The following PTK2 variants were observed in gnomAD, a reference collection of about 807,000 sequenced individuals.
PTK2 encodes protein tyrosine kinase 2.
In PTK2, 45 loss-of-function variants were observed where a neutral mutation model predicts 150.1. The observed-to-expected ratio is 0.30, with a 90% confidence interval of 0.24 to 0.38. The LOEUF is 0.38. PTK2 is among the 10% of genes least tolerant of loss of function. The pLI is 1.00. For missense variants in PTK2, 919 were observed against 1,307.3 expected, an observed-to-expected ratio of 0.70 and a Z score of 4.58; for synonymous variants, 432 against 449.2, an observed-to-expected ratio of 0.96 and a Z score of 0.48.
In PTK2 at chr8:140,815,247, T is replaced by C. The variant is rs113322838; in HGVS notation, c.867+3030A>G. Among the ~76,000 whole-genome samples, 1,451 of 150,160 alleles carry C rather than the reference T, an allele frequency of 9.7e-3. 27 individuals are homozygous for C. The highest frequency in any genetic ancestry group is 0.033 in the African/African-American group (1,352 of 41,042). On this transcript the variant is annotated intron_variant, in intron 10 of 31. Coordinates refer to ENST00000522684, the Ensembl canonical transcript of PTK2. ...CCAAAAAAAAAAAAGAATGAGATCA[T>C]GTTCTTTGCAGGAACATGGATGGAG... is the stretch of plus-strand genomic sequence containing the variant.
intron 5 of PTK2, among the ~76,000 whole-genome samples, chr8:140,848,775 C>G (rs2100127248): frequency 6.6e-6 from 1 of 152,010 alleles, no homozygotes; most frequent in South Asian, 2.1e-4. Flanking sequence ...AGAATTAAAC[C>G]AAGATAGGTA....
At chr8:140,819,156 C>A (rs2100106665) in intron 8 of PTK2, 136 bp from the exon 9 acceptor site, 2 of 840,302 alleles carry the variant, frequency 2.4e-6, no homozygotes, top group Non-Finnish European at 3.5e-6. Context: ...GTATACTTGT[C>A]AAATAACTAT....
At chr8:140,837,162 T>A (rs562968488) in intron 7 of PTK2, among the ~76,000 whole-genome samples, 136 of 152,308 alleles carry the variant, frequency 8.9e-4, no homozygotes, top group African/African-American at 3.1e-3. Context: ...TAAATAAAAG[T>A]CTTGTCTGTT....
At chr8:140,812,411 TGGAAA>T (rs1189324011) in intron 10 of PTK2, among the ~76,000 whole-genome samples, 1 of 152,142 alleles carries the variant, frequency 6.6e-6, no homozygotes, top group Non-Finnish European at 1.5e-5. Context: ...GCACTAAATA[TGGAAA>T]GGAAAGACCG....
At chr8:140,850,123 G>A (rs1227404462) in intron 5 of PTK2, among the ~76,000 whole-genome samples, 1 of 152,124 alleles carries the variant, frequency 6.6e-6, no homozygotes, top group African/African-American at 2.4e-5. Flanking sequence ...CTGAAAGTTG[G>A]TTTTTAAAAA....
chr8:140,758,045 T>G (rs2100066909), intron 16 of PTK2, among the ~76,000 whole-genome samples: 1 of 152,222 alleles, frequency 6.6e-6, no homozygotes, highest in Admixed American at 6.5e-5. Flanking sequence ...TTGTTTTTCT[T>G]TTTTTCTAAT....
chr8:140,878,048 A>T, intron 4 of PTK2, among the ~76,000 whole-genome samples: 1 of 152,184 alleles, frequency 6.6e-6, no homozygotes, highest in Non-Finnish European at 1.5e-5. Context: ...CAAGATGACC[A>T]TCTCAAAAAA....
At chr8:140,807,787 T>G (rs1175047536) in intron 10 of PTK2, among the ~76,000 whole-genome samples, 1 of 152,254 alleles carries the variant, frequency 6.6e-6, no homozygotes, top group Admixed American at 6.5e-5. Context: ...CTTTTTATCT[T>G]TTTAAATGTG....
At chr8:140,705,457 G>T (rs2100033152) in intron 24 of PTK2, among the ~76,000 whole-genome samples, 1 of 152,142 alleles carries the variant, frequency 6.6e-6, no homozygotes, top group Non-Finnish European at 1.5e-5. Flanking sequence ...AAGAATGGTT[G>T]CTCCTGGGGC....
At chr8:140,920,778 C>A in intron 2 of PTK2, 1 of 1,424,382 alleles carries the variant, frequency 7.0e-7, no homozygotes, top group South Asian at 1.5e-5. Flanking sequence ...AGCATGAATT[C>A]AAATAAAACG....
rs113580900 is a variant in PTK2 at position 140,759,847 on chromosome 8, C to CCA, written c.1332+1316_1332+1317dup. On this transcript the variant is annotated intron_variant, in intron 16 of 31. Transcript: ENST00000522684. ...GACAGAGCAAGACTCTCTCTCTCAC[C>CCA]CACACACACACACACACACAAACAA... 7.3e-3 allele frequency among the ~76,000 whole-genome samples: 1,056 copies of CCA among 144,636 alleles called. 12 individuals carry two copies. The highest frequency in any genetic ancestry group is 0.02 in the African/African-American group (795 of 39,632). 94.9% of individuals were successfully genotyped at this position (144,636 alleles called of 152,430 possible). A position where few individuals can be genotyped will look rare whatever the true frequency, so the allele number is the denominator to read the frequency against.
At chr8:140,994,104 G>T (rs972229793) in intron 1 of PTK2, among the ~76,000 whole-genome samples, 2 of 152,176 alleles carry the variant, frequency 1.3e-5, no homozygotes, top group African/African-American at 4.8e-5. Flanking sequence ...ATATCAGTAA[G>T]ATTCGGGTAG....
intron 2 of PTK2, 103 bp from the exon 3 acceptor site, chr8:140,890,872 T>A (rs768834338): frequency 1.0e-6 from 1 of 995,122 alleles, no homozygotes; most frequent in Non-Finnish European, 1.5e-6. Flanking sequence ...TCTCTTGATA[T>A]GTTATATGCG....
intron 1 of PTK2, among the ~76,000 whole-genome samples, chr8:140,939,375 C>T (rs1324179056): frequency 6.6e-6 from 1 of 152,268 alleles, no homozygotes. Flanking sequence ...GATATGTGTA[C>T]TATACAAGTT....
intron 5 of PTK2, among the ~76,000 whole-genome samples, chr8:140,859,611 T>A (rs553991487): frequency 7.9e-5 from 12 of 152,322 alleles, no homozygotes; most frequent in African/African-American, 2.9e-4. Context: ...GAGGCCATTA[T>A]AAAGTGACTA....
chr8:140,712,900 T>C (rs1480183941), intron 23 of PTK2, among the ~76,000 whole-genome samples: 1 of 152,238 alleles, frequency 6.6e-6, no homozygotes, highest in East Asian at 1.9e-4. Context: ...CTTTCTCTTT[T>C]GAGAAAATGT....
At chr8:140,671,859 G>A (rs1198826457) in intron 29 of PTK2, among the ~76,000 whole-genome samples, 1 of 148,912 alleles carries the variant, frequency 6.7e-6, no homozygotes, top group Non-Finnish European at 1.5e-5. Flanking sequence ...GTGAACCCGG[G>A]AGGCGGAGCT....
intron 3 of PTK2, among the ~76,000 whole-genome samples, chr8:140,888,747 T>C (rs1384094008): frequency 6.7e-6 from 1 of 149,890 alleles, no homozygotes; most frequent in Non-Finnish European, 1.5e-5. Context: ...AGGTGAGTCT[T>C]CTGATGTAAG....
At chr8:140,877,191 CCTGG>C (rs2154607000) in intron 4 of PTK2, among the ~76,000 whole-genome samples, 1 of 152,004 alleles carries the variant, frequency 6.6e-6, no homozygotes, top group African/African-American at 2.4e-5. Context: ...CGCCACCACG[CCTGG>C]CTAATTTTTG....
Sources: gnomAD v4.1 joint callset for allele counts (sites outside exome capture counted in the v4.1 genomes callset) on GRCh38, gnomAD v4.1.1 for gene constraint, MANE v1.5 for transcripts, NCBI Gene and HGNC (gene_info 2026-07-23, HGNC 2026-07-21) for gene names.